MGP: variants seen among roughly 807,000 people sequenced by gnomAD.
The protein encoded by MGP is matrix Gla protein, also known as cell growth-inhibiting gene 36 protein.
A neutral mutation model predicts 14.5 loss-of-function variants in MGP; 13 were observed. That is an observed-to-expected ratio of 0.89 (90% CI 0.58 to 1.42). The LOEUF (loss-of-function observed/expected upper bound fraction) is 1.42, where lower values mean the gene tolerates loss of function less well. Ranked by LOEUF, MGP falls within the 40% of genes most tolerant of loss-of-function variation. MGP has a pLI of 0.00. For missense variants in MGP, 128 were observed against 133.7 expected, an observed-to-expected ratio of 0.96 and a Z score of 0.21; for synonymous variants, 44 against 46.3, an observed-to-expected ratio of 0.95 and a Z score of 0.20.
chr12:14,884,691 C>A, intron 1 of MGP: 1 of 731,290 alleles, frequency 1.4e-6, no homozygotes. Flanking sequence ...GGCAAGAGAA[C>A]TACAGGGCAG....
intron 2 of MGP, 76 bp downstream of exon 2, chr12:14,884,137 C>T: frequency 8.4e-7 from 1 of 1,184,332 alleles, no homozygotes; most frequent in Non-Finnish European, 1.2e-6. Flanking sequence ...TATATCTTTC[C>T]ATCTTGTTTA....
Position 14,882,126 on chromosome 12 carries a change from T to C in MGP, c.*13A>G. 3.1e-6 allele frequency: 5 copies of C among 1,613,998 alleles called. No homozygotes were observed. In the South Asian group the frequency reaches 5.5e-5, roughly 18 times the overall value. Reference sequence around the variant, plus strand: ...CCTCCAGAAAAAAAGAGATTTTTTTTCTTCCCTCAGTCTCATTTGGTCCCT... The same window carrying C: ...CCTCCAGAAAAAAAGAGATTTTTTTCCTTCCCTCAGTCTCATTTGGTCCCT... On this transcript the variant is annotated 3_prime_UTR_variant, in exon 4 of 4. Coordinates refer to ENST00000539261, the MANE Select transcript of MGP (RefSeq NM_000900.5).
rs187629312 is a variant in MGP at position 14,883,616 on chromosome 12, T to C, written c.95-569A>G. Reference sequence around the variant, plus strand: ...GAGTTCGAGACCAGCCTGGACAACATGGTGAAACCCCATCTCTACTAAAAA... The same window carrying C: ...GAGTTCGAGACCAGCCTGGACAACACGGTGAAACCCCATCTCTACTAAAAA... On this transcript the variant is annotated intron_variant, in intron 2 of 3. Coordinates refer to ENST00000539261, the MANE Select transcript of MGP (RefSeq NM_000900.5). 1,122 of 164,662 alleles carry C rather than the reference T, an allele frequency of 6.8e-3. 2 individuals carry two copies. Among genetic ancestry groups the C allele is most frequent in the Non-Finnish European group, 0.011 (792 of 75,260 alleles). 10.2% of individuals were successfully genotyped at this position (164,662 alleles called of 1,614,324 possible). A position where few individuals can be genotyped will look rare whatever the true frequency, so the allele number is the denominator to read the frequency against.
rs2120424359 is a variant in MGP at position 14,882,077 on chromosome 12, G to A, written c.*62C>T. The stretch of plus-strand genomic sequence containing the variant: ...TATGTATTTCTGTAATGCTGCTACA[G>A]GGGGATACAAAATCAGGTGCCAGCC... On this transcript the variant is annotated 3_prime_UTR_variant, in exon 4 of 4. Coordinates refer to ENST00000539261, the MANE Select transcript of MGP (RefSeq NM_000900.5). 6.3e-7 allele frequency: 1 copy of A among 1,579,322 alleles called. No homozygotes were observed. Among genetic ancestry groups the A allele is most frequent in the Non-Finnish European group, 8.7e-7 (1 of 1,148,888 alleles).
chr12:14,884,268 C>A, intron 1 of MGP, 23 bp from the exon 2 acceptor site: 2 of 1,295,868 alleles, frequency 1.5e-6, no homozygotes, highest in Non-Finnish European at 2.2e-6. Context: ...AAAAAAGATT[C>A]ATTATATCAA....
intron 2 of MGP, chr12:14,883,336 A>T (rs1863402614): frequency 5.1e-6 from 2 of 394,510 alleles, no homozygotes; most frequent in African/African-American, 2.0e-5. Context: ...TACTTGGTAG[A>T]TTTTAAATTC....
In MGP at chr12:14,882,049, G is replaced by A; in HGVS notation, c.*90C>T. 4.1e-6 allele frequency: 6 copies of A among 1,469,004 alleles called. No individual in the cohort carries two copies. Among genetic ancestry groups the A allele is most frequent in the Non-Finnish European group, 5.7e-6 (6 of 1,049,732 alleles). 91.0% of individuals were successfully genotyped at this position (1,469,004 alleles called of 1,614,324 possible). On this transcript the variant is annotated 3_prime_UTR_variant, in exon 4 of 4. Transcript: ENST00000539261. ...TACAGGAAAGAAGCATTGTATATAA[G>A]CCTATGTATTTCTGTAATGCTGCTA... is the stretch of plus-strand genomic sequence containing the variant.
At chr12:14,883,859 C>A in intron 2 of MGP, 1 of 191,010 alleles carries the variant, frequency 5.2e-6, no homozygotes, top group Non-Finnish European at 1.1e-5. Flanking sequence ...CTTAACGTGG[C>A]GCCTGTGGTC....
chr12:14,884,195 A>G lies in MGP; in HGVS notation c.94+18T>C. ...TTAATGCAAGGGATTTGAATAAAGA[A>G]GTTAAATATTCACTTACTAAGTTCA... On this transcript the variant is annotated intron_variant, in intron 2 of 3. Transcript: ENST00000539261. 1 of 1,456,124 alleles carries G rather than the reference A, an allele frequency of 6.9e-7. No individual in the cohort carries two copies. Among genetic ancestry groups the G allele is most frequent in the Non-Finnish European group, 9.5e-7 (1 of 1,052,248 alleles). 90.2% of individuals were successfully genotyped at this position (1,456,124 alleles called of 1,614,324 possible). A position where few individuals can be genotyped will look rare whatever the true frequency, so the allele number is the denominator to read the frequency against.
At chr12:14,884,790 A>G in intron 1 of MGP, 1 of 1,528,128 alleles carries the variant, frequency 6.5e-7, no homozygotes, top group Non-Finnish European at 8.7e-7. Flanking sequence ...CACAGAAACC[A>G]CTAGCTCCAG....
At position 14,883,105 on chromosome 12, in the gene MGP, G is replaced by A. The variant is rs1344413198; in HGVS notation, c.95-58C>T. 17 of 1,289,700 alleles carry A rather than the reference G, an allele frequency of 1.3e-5. No homozygotes were observed. In the East Asian group the frequency reaches 2.6e-4, roughly 19 times the overall value. The allele number at this position is 1,289,700 out of a possible 1,614,324, so 79.9% of individuals were successfully genotyped here. On this transcript the variant is annotated intron_variant, in intron 2 of 3. Coordinates refer to ENST00000539261, the MANE Select transcript of MGP (RefSeq NM_000900.5). ...GCGACACATAGCTGGAAATATTTCCGTGAATATTCCTTGACACAAATATAT... is the reference window on the plus strand; with the variant it reads ...GCGACACATAGCTGGAAATATTTCCATGAATATTCCTTGACACAAATATAT...
At position 14,885,786 on chromosome 12, in the gene MGP, C is replaced by T. The variant is rs1224233733; in HGVS notation, c.6G>A (p.Lys2=). The change falls in exon 1 of 4, where the codon AAG becomes AAA. Residue 2 remains lysine, a synonymous_variant. Coordinates refer to ENST00000539261, the MANE Select transcript of MGP (RefSeq NM_000900.5). Reference sequence around the variant, plus strand: ...CCAGGATGGCAAGAAGGATCAGGCTCTTCATGGTTTCGTCCTGCAGGTCAG... The same window carrying T: ...CCAGGATGGCAAGAAGGATCAGGCTTTTCATGGTTTCGTCCTGCAGGTCAG... M[K]SLILLAILAA... 4 of 1,613,796 alleles carry T rather than the reference C, an allele frequency of 2.5e-6. No individual in the cohort carries two copies. Among genetic ancestry groups the T allele is most frequent in the South Asian group, 2.2e-5 (2 of 91,066 alleles).
At chr12:14,884,288 A>T in intron 1 of MGP, 43 bp from the exon 2 acceptor site, 2 of 1,203,272 alleles carry the variant, frequency 1.7e-6, no homozygotes, top group Non-Finnish European at 2.4e-6. Flanking sequence ...ATATTTATCC[A>T]TGATTCATTA....
chr12:14,883,965 C>T, intron 2 of MGP: 1 of 347,424 alleles, frequency 2.9e-6, no homozygotes, highest in Admixed American at 4.3e-5. Flanking sequence ...TTTAAAATTT[C>T]CAAATGAGAT....
intron 1 of MGP, 34 bp downstream of exon 1, chr12:14,885,697 G>A (rs766262333): frequency 6.3e-7 from 1 of 1,583,208 alleles, no homozygotes; most frequent in Non-Finnish European, 8.7e-7. Flanking sequence ...AGGCAGAAAA[G>A]TAAACACAGA....
Position 14,881,224 on chromosome 12 carries a change from T to C in MGP, c.*915A>G, listed in dbSNP as rs1476259270. The C allele has an allele frequency of 1.3e-5, 2 of 152,202 alleles. No homozygotes were observed. Among genetic ancestry groups the C allele is most frequent in the Non-Finnish European group, 2.9e-5 (2 of 68,044 alleles). 9.4% of individuals were successfully genotyped at this position (152,202 alleles called of 1,614,324 possible). A position where few individuals can be genotyped will look rare whatever the true frequency, so the allele number is the denominator to read the frequency against. Reference sequence around the variant, plus strand: ...TTTATTTTTCTGTAGAGACAGAGTCTCACTCTGTTTCACAGGCTGGAGTGC... The same window carrying C: ...TTTATTTTTCTGTAGAGACAGAGTCCCACTCTGTTTCACAGGCTGGAGTGC... On this transcript the variant is annotated 3_prime_UTR_variant, in exon 4 of 4. Transcript: ENST00000539261.
In MGP at chr12:14,881,796, C is replaced by T. The variant is rs35112962; in HGVS notation, c.*343G>A. The T allele has an allele frequency of 7.9e-3, 2,102 of 264,692 alleles. 46 individuals carry two copies. The highest frequency in any genetic ancestry group is 0.044 in the African/African-American group (1,974 of 44,938). The allele number at this position is 264,692 out of a possible 1,614,324, so 16.4% of individuals were successfully genotyped here. A position where few individuals can be genotyped will look rare whatever the true frequency, so the allele number is the denominator to read the frequency against. ...TATGTAGTTATTTTTCTAATTAATA[C>T]TAGATATGAGATGAACAGAATCTCC... On this transcript the variant is annotated 3_prime_UTR_variant, in exon 4 of 4. Coordinates refer to ENST00000539261, the MANE Select transcript of MGP (RefSeq NM_000900.5).
At chr12:14,882,905 A>G (rs2120431701) in intron 3 of MGP, 67 bp downstream of exon 3, 2 of 989,226 alleles carry the variant, frequency 2.0e-6, no homozygotes, top group South Asian at 1.3e-5. Flanking sequence ...GCTGTTTCCC[A>G]CTCCAATTCA....
chr12:14,882,113 AAG>A lies in MGP; in HGVS notation c.*24_*25del, dbSNP rs1455295404. ...AATCAGGTGCCAGCCTCCAGAAAAAAAGAGATTTTTTTTCTTCCCTCAGTCTC... is the reference window on the plus strand; with the variant it reads ...AATCAGGTGCCAGCCTCCAGAAAAAAAGATTTTTTTTCTTCCCTCAGTCTC... On this transcript the variant is annotated 3_prime_UTR_variant, in exon 4 of 4. Transcript: ENST00000539261. The A allele has an allele frequency of 6.2e-7, 1 of 1,613,850 alleles. No individual in the cohort carries two copies. Among genetic ancestry groups the A allele is most frequent in the Non-Finnish European group, 8.5e-7 (1 of 1,179,830 alleles).
Sources: allele counts gnomAD v4.1 joint callset, GRCh38; gene constraint gnomAD v4.1.1; transcripts MANE v1.5; gene names NCBI Gene and HGNC (gene_info 2026-07-23, HGNC 2026-07-21).